UCK2: variants seen among roughly 807,000 people sequenced by gnomAD.
The protein encoded by UCK2 is uridine-cytidine kinase 2.
In UCK2, 6 loss-of-function variants were observed where a neutral mutation model predicts 30.8. The ratio of observed to expected loss-of-function variants is 0.19; its 90% CI spans 0.11 to 0.38. The LOEUF is 0.38. Among genes scored for constraint, UCK2 ranks in the 10% least tolerant of loss-of-function variants. The pLI, the probability that UCK2 is intolerant of heterozygous loss-of-function variation, is 1.00. For synonymous variants in UCK2, 125 were observed against 133.6 expected (o/e 0.94, Z 0.45); for missense variants, 210 against 339.8 (o/e 0.62, Z 3.00).
rs147050199 is a variant in UCK2, at chr1:165,856,514, C to G, written c.99+28582C>G. Reference sequence around the variant, plus strand: ...CTTTAAAACAAAAATCTTCCTCCCTCTTTTTAACCACACTACCCTTGGTTC... The same window carrying G: ...CTTTAAAACAAAAATCTTCCTCCCTGTTTTTAACCACACTACCCTTGGTTC... On this transcript the variant is annotated intron_variant, in intron 1 of 6. Transcript: ENST00000367879. 2.9e-3 allele frequency among the ~76,000 whole-genome samples: 429 copies of G among 145,484 alleles called. 5 individuals are homozygous for G. In the Middle Eastern group the frequency reaches 0.074, roughly 25 times the overall value.
intron 1 of UCK2, among the ~76,000 whole-genome samples, chr1:165,882,020 G>C (rs978195892): frequency 1.3e-5 from 2 of 152,194 alleles, no homozygotes; most frequent in African/African-American, 4.8e-5. Context: ...TTCTGTTGTG[G>C]GGAATCTTTC....
intron 1 of UCK2, among the ~76,000 whole-genome samples, chr1:165,854,906 C>T (rs1654692140): frequency 6.6e-6 from 1 of 152,114 alleles, no homozygotes; most frequent in African/African-American, 2.4e-5. Context: ...TGTAGGAGAA[C>T]ATAACTGAGA....
At chr1:165,854,701 C>G (rs542741897) in intron 1 of UCK2, among the ~76,000 whole-genome samples, 4 of 152,102 alleles carry the variant, frequency 2.6e-5, no homozygotes, top group African/African-American at 9.6e-5. Flanking sequence ...TTTGACTTTT[C>G]CTATGTTTGT....
chr1:165,876,031 TA>T (rs1284134042), intron 1 of UCK2, among the ~76,000 whole-genome samples: 2 of 152,168 alleles, frequency 1.3e-5, no homozygotes, highest in Non-Finnish European at 2.9e-5. Flanking sequence ...CAAAAGACTG[TA>T]ACAAGGGCTG....
At chr1:165,865,531 G>A (rs2101867425) in intron 1 of UCK2, among the ~76,000 whole-genome samples, 1 of 152,186 alleles carries the variant, frequency 6.6e-6, no homozygotes, top group East Asian at 1.9e-4. Context: ...GATGTTCTTT[G>A]TCAATTCAAT....
At position 165,910,514 on chromosome 1, in the gene UCK2, C is replaced by T. The variant is rs1199404177; in HGVS notation, c.*2691C>T. ...GTGGACCAAGTGTTTAGGAAACAAG[C>T]ATAGAAGCATTATGTCACAGGAAGG... On this transcript the variant is annotated 3_prime_UTR_variant, in exon 7 of 7. Coordinates refer to ENST00000367879, the MANE Select transcript of UCK2 (RefSeq NM_012474.5). 6.6e-6 allele frequency: 1 copy of T among 152,274 alleles called. No homozygotes were observed. Among genetic ancestry groups the T allele is most frequent in the Non-Finnish European group, 1.5e-5 (1 of 68,110 alleles). The allele number at this position is 152,274 out of a possible 1,614,324, so 9.4% of individuals were successfully genotyped here.
At position 165,853,535 on chromosome 1, in the gene UCK2, C is replaced by T. The variant is rs180802334; in HGVS notation, c.99+25603C>T. ...CAGAAAGGATCTTTTTTTTTTTTTC[C>T]GGAAAGGATCTTTATCCAGAAAGGA... is the stretch of plus-strand genomic sequence containing the variant. On this transcript the variant is annotated intron_variant, in intron 1 of 6. Coordinates refer to ENST00000367879, the MANE Select transcript of UCK2 (RefSeq NM_012474.5). Among the ~76,000 whole-genome samples the T allele has an allele frequency of 3.0e-3, 453 of 150,260 alleles. 5 individuals carry two copies. The highest frequency in any genetic ancestry group is 9.2e-3 in the African/African-American group (375 of 40,964).
chr1:165,887,273 G>A (rs187441068), intron 1 of UCK2, among the ~76,000 whole-genome samples: 2 of 152,252 alleles, frequency 1.3e-5, no homozygotes, highest in Admixed American at 6.5e-5. Context: ...AACATGCAGC[G>A]GGGGATCAAC....
chr1:165,883,921 T>G (rs1182635859), intron 1 of UCK2, among the ~76,000 whole-genome samples: 1 of 152,220 alleles, frequency 6.6e-6, no homozygotes, highest in Non-Finnish European at 1.5e-5. Context: ...AACCTTGTTC[T>G]TAGTTTTAAA....
At chr1:165,894,799 A>G (rs1191787820) in intron 3 of UCK2, among the ~76,000 whole-genome samples, 3 of 152,046 alleles carry the variant, frequency 2.0e-5, no homozygotes, top group Non-Finnish European at 4.4e-5. Flanking sequence ...AGGAGTTCCA[A>G]CGGCACCCTC....
At chr1:165,848,656 A>ACC (rs1216434772) in intron 1 of UCK2, among the ~76,000 whole-genome samples, 11 of 151,038 alleles carry the variant, frequency 7.3e-5, no homozygotes, top group Admixed American at 1.3e-4. Flanking sequence ...ACACACACAC[A>ACC]CACCCACACA....
chr1:165,851,425 C>G (rs901558967), intron 1 of UCK2, among the ~76,000 whole-genome samples: 4 of 152,038 alleles, frequency 2.6e-5, no homozygotes, highest in African/African-American at 9.7e-5. Flanking sequence ...TGCCCTCAGC[C>G]CAACCTGAGT....
intron 4 of UCK2, among the ~76,000 whole-genome samples, chr1:165,900,958 C>G (rs970901108): frequency 1.3e-5 from 2 of 152,110 alleles, no homozygotes; most frequent in Non-Finnish European, 2.9e-5. Context: ...TGGGCTTTAT[C>G]TGGAGACGTG....
At chr1:165,850,364 A>C (rs550775069) in intron 1 of UCK2, among the ~76,000 whole-genome samples, 1 of 152,182 alleles carries the variant, frequency 6.6e-6, no homozygotes, top group Non-Finnish European at 1.5e-5. Context: ...TCTCGACCTC[A>C]AGTGTTCCAT....
intron 1 of UCK2, among the ~76,000 whole-genome samples, chr1:165,888,514 A>G (rs1040684807): frequency 1.3e-5 from 2 of 151,970 alleles, no homozygotes; most frequent in Middle Eastern, 3.2e-3. Flanking sequence ...CTAGTCTCAA[A>G]CTGACTTCAG....
intron 1 of UCK2, among the ~76,000 whole-genome samples, chr1:165,875,038 C>CA (rs57582300): frequency 0.011 from 1,223 of 111,214 alleles, 10 homozygotes; most frequent in Non-Finnish European, 0.013. Context: ...ACTGAGTTAC[C>CA]AAAAAAAAAA....
intron 1 of UCK2, among the ~76,000 whole-genome samples, chr1:165,834,297 A>G (rs897177605): frequency 6.6e-6 from 1 of 152,162 alleles, no homozygotes; most frequent in African/African-American, 2.4e-5. Flanking sequence ...TCCTCCAGTT[A>G]TGCTATGGCT....
At chr1:165,854,302 T>C (rs982708515) in intron 1 of UCK2, among the ~76,000 whole-genome samples, 1 of 152,202 alleles carries the variant, frequency 6.6e-6, no homozygotes, top group East Asian at 1.9e-4. Flanking sequence ...GCTGGACGTA[T>C]GTGTGGTATT....
intron 1 of UCK2, among the ~76,000 whole-genome samples, chr1:165,862,208 A>G (rs1654926655): frequency 6.6e-6 from 1 of 152,160 alleles, no homozygotes; most frequent in Non-Finnish European, 1.5e-5. Context: ...AGAGTACCGT[A>G]GTCTCAGATG....
Sources: allele counts gnomAD v4.1 joint callset (sites outside exome capture counted in the v4.1 genomes callset), GRCh38; gene constraint gnomAD v4.1.1; transcripts MANE v1.5; gene names NCBI Gene and HGNC (gene_info 2026-07-23, HGNC 2026-07-21).